Variants in PRKCH observed in about 807,000 individuals in gnomAD.
PRKCH encodes protein kinase C eta type.
Under a neutral mutation model 82.5 loss-of-function variants are expected in PRKCH, and 28 were observed. That is an observed-to-expected ratio of 0.34 (90% CI 0.25 to 0.47). PRKCH has a LOEUF of 0.47. PRKCH is among the 20% of genes least tolerant of loss of function. The probability of loss-of-function intolerance (pLI) is 1.00; values close to 1 mark genes in which losing one functional copy is unlikely to be tolerated. For synonymous variants in PRKCH, 322 were observed against 327.4 expected (o/e 0.98, Z 0.18); for missense variants, 705 against 881.8 (o/e 0.80, Z 2.54).
intron 2 of PRKCH, among the ~76,000 whole-genome samples, chr14:61,428,042 T>TATATATAG (rs1295299219): frequency 4.8e-4 from 58 of 121,922 alleles, no homozygotes; most frequent in African/African-American, 1.9e-3. Flanking sequence ...AATATATATA[T>TATATATAG]ATAGATAGAT....
chr14:61,523,918 GT>G (rs2042935003), intron 10 of PRKCH, among the ~76,000 whole-genome samples: 1 of 152,264 alleles, frequency 6.6e-6, no homozygotes, highest in Non-Finnish European at 1.5e-5. Flanking sequence ...GGGAGTCGAT[GT>G]AGCGAGGGAG....
chr14:61,342,021 G>A (rs1566828966), intron 1 of PRKCH, among the ~76,000 whole-genome samples: 2 of 152,046 alleles, frequency 1.3e-5, no homozygotes, highest in Admixed American at 6.5e-5. Context: ...CCCCCTGAAG[G>A]TGGTGAAGAT....
chr14:61,377,677 A>G (rs960536314), intron 1 of PRKCH, among the ~76,000 whole-genome samples: 1 of 152,240 alleles, frequency 6.6e-6, no homozygotes, highest in Non-Finnish European at 1.5e-5. Flanking sequence ...AGCAGCTGGC[A>G]TTGGCCTTTG....
intron 9 of PRKCH, among the ~76,000 whole-genome samples, chr14:61,470,988 C>T (rs528639326): frequency 7.8e-4 from 118 of 152,118 alleles, no homozygotes; most frequent in Admixed American, 1.8e-3. Flanking sequence ...TGAGGGCATG[C>T]GAAGTGGAAA....
At chr14:61,190,174 G>T (rs1308399574) in intron 1 of PRKCH, among the ~76,000 whole-genome samples, 2 of 152,000 alleles carry the variant, frequency 1.3e-5, no homozygotes, top group African/African-American at 4.8e-5. Flanking sequence ...ACACTCAATG[G>T]GGACTGTTAT....
At chr14:61,519,605 A>G (rs2042876970) in intron 10 of PRKCH, among the ~76,000 whole-genome samples, 1 of 152,152 alleles carries the variant, frequency 6.6e-6, no homozygotes, top group South Asian at 2.1e-4. Context: ...ATTCAGCCTC[A>G]TAATGATGAA....
chr14:61,292,503 A>G (rs1214200202), intron 1 of PRKCH, among the ~76,000 whole-genome samples: 2 of 151,690 alleles, frequency 1.3e-5, no homozygotes, highest in African/African-American at 2.4e-5. Flanking sequence ...AGCTGGGTGC[A>G]GTGGCTCACA....
intron 2 of PRKCH, among the ~76,000 whole-genome samples, chr14:61,435,767 G>T (rs1883649402): frequency 6.6e-6 from 1 of 152,210 alleles, no homozygotes; most frequent in East Asian, 1.9e-4. Flanking sequence ...TGTATATTTG[G>T]GAATCCTCAG....
intron 1 of PRKCH, among the ~76,000 whole-genome samples, chr14:61,222,983 C>G (rs1594859687): frequency 6.6e-6 from 1 of 151,898 alleles, no homozygotes. Context: ...TTTTTTTTTC[C>G]CCTCTTCCTT....
At chr14:61,396,857 C>T (rs951582041) in intron 2 of PRKCH, among the ~76,000 whole-genome samples, 1 of 152,066 alleles carries the variant, frequency 6.6e-6, no homozygotes, top group Non-Finnish European at 1.5e-5. Context: ...AGGACAGGCT[C>T]AGTTTGTTGG....
chr14:61,254,391 T>C (rs1010609789), intron 1 of PRKCH, among the ~76,000 whole-genome samples: 12 of 152,214 alleles, frequency 7.9e-5, no homozygotes, highest in South Asian at 2.1e-4. Flanking sequence ...GGTAGGAGGA[T>C]TGCTTGAGCT....
At chr14:61,249,765 T>G (rs961916368) in intron 1 of PRKCH, among the ~76,000 whole-genome samples, 13 of 151,532 alleles carry the variant, frequency 8.6e-5, no homozygotes, top group Non-Finnish European at 1.5e-4. Flanking sequence ...GGATTACAGG[T>G]GCATGCCACC....
At chr14:61,350,148 A>G (rs1566832554) in intron 1 of PRKCH, among the ~76,000 whole-genome samples, 1 of 152,084 alleles carries the variant, frequency 6.6e-6, no homozygotes, top group Non-Finnish European at 1.5e-5. Flanking sequence ...TCTTGCTTTT[A>G]TATTTGCCCC....
At chr14:61,328,046 C>T (rs374937819) in intron 1 of PRKCH, among the ~76,000 whole-genome samples, 3 of 150,590 alleles carry the variant, frequency 2.0e-5, no homozygotes, top group Non-Finnish European at 3.0e-5. Flanking sequence ...GTCAGGAGAT[C>T]GAGACCATCC....
intron 2 of PRKCH, among the ~76,000 whole-genome samples, chr14:61,423,085 T>C (rs1217259418): frequency 1.3e-5 from 2 of 152,214 alleles, no homozygotes; most frequent in South Asian, 2.1e-4. Flanking sequence ...TTAAAATTCA[T>C]AGGTGATTCC....
At chr14:61,412,657 A>G (rs948289717) in intron 2 of PRKCH, among the ~76,000 whole-genome samples, 3 of 152,182 alleles carry the variant, frequency 2.0e-5, no homozygotes, top group African/African-American at 4.8e-5. Flanking sequence ...GACCCATGGC[A>G]TATAAATTTT....
intron 1 of PRKCH, among the ~76,000 whole-genome samples, chr14:61,272,344 CTTTTT>C (rs1162331604): frequency 4.7e-3 from 111 of 23,582 alleles, no homozygotes; most frequent in East Asian, 0.024. Context: ...TTTTTTCTTT[CTTTTT>C]TTTTTTTTTT....
intron 1 of PRKCH, among the ~76,000 whole-genome samples, chr14:61,200,878 A>G (rs1382754610): frequency 1.3e-5 from 2 of 152,188 alleles, no homozygotes; most frequent in Non-Finnish European, 2.9e-5. Context: ...GTAGGATTCA[A>G]TACTACCGGA....
chr14:61,471,701 A>G (rs547742332), intron 9 of PRKCH, among the ~76,000 whole-genome samples: 1 of 152,206 alleles, frequency 6.6e-6, no homozygotes, highest in Non-Finnish European at 1.5e-5. Context: ...TGCATAATGC[A>G]GTGCCATTTG....
Sources: allele counts gnomAD v4.1 joint callset (sites outside exome capture counted in the v4.1 genomes callset), GRCh38; gene constraint gnomAD v4.1.1; transcripts MANE v1.5; gene names NCBI Gene and HGNC (gene_info 2026-07-23, HGNC 2026-07-21).